SYBU: variants seen among roughly 807,000 people sequenced by gnomAD.
SYBU encodes syntabulin, also known as GOLSYN A protein.
In SYBU, 21 loss-of-function variants were observed where a neutral mutation model predicts 35.9. The ratio of observed to expected loss-of-function variants is 0.58; its 90% CI spans 0.41 to 0.84. The LOEUF is 0.84. SYBU is among the 40% of genes least tolerant of loss of function. The pLI, the probability that SYBU is intolerant of heterozygous loss-of-function variation, is 0.00. For synonymous variants in SYBU, 319 were observed against 324.3 expected (o/e 0.98, Z 0.18); for missense variants, 768 against 848.2 (o/e 0.91, Z 1.17).
Position 109,577,874 on chromosome 8 carries a change from T to C in SYBU, c.878A>G (p.His293Arg), listed in dbSNP as rs113307889. ...TKLKESERRL[H>R]ERESEIVELK... ...TCAAGGAAGGCAGATTCACCTTTCA[T>C]GGAGTCGGCGCTCAGATTCCTTCAG... The change falls in exon 6 of 7, where the codon CAT (histidine) becomes CGT (arginine). Residue 293 changes from histidine to arginine, a missense_variant. Physicochemically the swap from His to Arg is conservative, Grantham distance 29. Transcript: ENST00000276646. The C allele has an allele frequency of 6.2e-7, 1 of 1,612,612 alleles. No homozygotes were observed. Among genetic ancestry groups the C allele is most frequent in the Non-Finnish European group, 8.5e-7 (1 of 1,179,266 alleles).
At chr8:109,629,698 T>C (rs537920363) in intron 2 of SYBU, among the ~76,000 whole-genome samples, 409 of 152,140 alleles carry the variant, frequency 2.7e-3, no homozygotes, top group African/African-American at 9.5e-3. Flanking sequence ...TTTCTAGTTC[T>C]AGATCCCTGA....
At chr8:109,605,553 G>T (rs1825986970) in intron 3 of SYBU, among the ~76,000 whole-genome samples, 1 of 152,128 alleles carries the variant, frequency 6.6e-6, no homozygotes, top group Non-Finnish European at 1.5e-5. Context: ...AAGGAAAGAA[G>T]AGAATATGCC....
intron 2 of SYBU, among the ~76,000 whole-genome samples, chr8:109,632,602 G>A (rs1013743918): frequency 6.6e-6 from 1 of 151,686 alleles, no homozygotes. Flanking sequence ...TTTGAAAAAA[G>A]GAATTGTTTT....
At chr8:109,623,431 T>A (rs1360588358) in intron 2 of SYBU, among the ~76,000 whole-genome samples, 1 of 152,174 alleles carries the variant, frequency 6.6e-6, no homozygotes, top group Non-Finnish European at 1.5e-5. Flanking sequence ...TACTCACAGA[T>A]CCAGGAACCT....
At chr8:109,659,619 A>G (rs1435965400) in intron 1 of SYBU, among the ~76,000 whole-genome samples, 1 of 152,188 alleles carries the variant, frequency 6.6e-6, no homozygotes, top group Non-Finnish European at 1.5e-5. Context: ...CACCACATTC[A>G]TAAGAGCACT....
At chr8:109,636,781 A>G (rs1814275925) in intron 2 of SYBU, among the ~76,000 whole-genome samples, 1 of 152,216 alleles carries the variant, frequency 6.6e-6, no homozygotes, top group Non-Finnish European at 1.5e-5. Context: ...TAAAAAAGGA[A>G]ATTCTTTCTC....
chr8:109,613,975 A>G (rs1291337562), intron 3 of SYBU, among the ~76,000 whole-genome samples: 4 of 152,228 alleles, frequency 2.6e-5, no homozygotes, highest in Non-Finnish European at 5.9e-5. Context: ...ACAAGGGGAT[A>G]CTAACTTAGT....
chr8:109,593,886 T>C (rs1824568524), intron 3 of SYBU, among the ~76,000 whole-genome samples: 3 of 152,186 alleles, frequency 2.0e-5, no homozygotes. Context: ...TCCACCGTGG[T>C]CATAAATGTC....
At chr8:109,645,238 A>G (rs925458109), upstream of SYBU, 1 of 456,604 alleles carries the variant, frequency 2.2e-6, no homozygotes, top group African/African-American at 2.0e-5. Context: ...AAGTCAGCCT[A>G]CAGCTCCCCA....
chr8:109,638,365 CAGAAAAGGGGG>C (rs374610302), intron 2 of SYBU, among the ~76,000 whole-genome samples: 37 of 152,182 alleles, frequency 2.4e-4, no homozygotes, highest in African/African-American at 8.4e-4. Context: ...TCACTACTTA[CAGAAAAGGGGG>C]AGAAAAATGG....
intron 2 of SYBU, among the ~76,000 whole-genome samples, chr8:109,621,822 A>T (rs981619612): frequency 6.6e-6 from 1 of 152,198 alleles, no homozygotes; most frequent in Admixed American, 6.5e-5. Flanking sequence ...CTAACAAAGG[A>T]ATCTAGAAAG....
At chr8:109,658,553 T>C (rs1000781457) in intron 1 of SYBU, among the ~76,000 whole-genome samples, 1 of 152,192 alleles carries the variant, frequency 6.6e-6, no homozygotes, top group Non-Finnish European at 1.5e-5. Context: ...CCTGCTTGAG[T>C]AGGTCAGAAG....
intron 1 of SYBU, among the ~76,000 whole-genome samples, chr8:109,652,190 G>A (rs1003425991): frequency 6.6e-6 from 1 of 152,226 alleles, no homozygotes; most frequent in African/African-American, 2.4e-5. Context: ...GACACCCAGA[G>A]GGCTTGCCAG....
intron 6 of SYBU, 57 bp downstream of exon 6, chr8:109,577,811 C>A: frequency 6.7e-7 from 1 of 1,488,440 alleles, no homozygotes; most frequent in African/African-American, 1.4e-5. Context: ...GTTCATATTT[C>A]ATTTTATGGA....
At chr8:109,636,986 G>A (rs536114060) in intron 2 of SYBU, among the ~76,000 whole-genome samples, 8 of 152,232 alleles carry the variant, frequency 5.3e-5, no homozygotes, top group South Asian at 2.1e-4. Flanking sequence ...GCTGGCCACC[G>A]TTTCTACCAT....
intron 3 of SYBU, among the ~76,000 whole-genome samples, chr8:109,586,881 C>A (rs73702896): frequency 3.7e-4 from 57 of 152,242 alleles, no homozygotes; most frequent in African/African-American, 1.3e-3. Context: ...TGAGTACAGA[C>A]AACAGGTGGG....
At chr8:109,621,532 T>G (rs949842576) in intron 2 of SYBU, among the ~76,000 whole-genome samples, 1 of 152,150 alleles carries the variant, frequency 6.6e-6, no homozygotes, top group Non-Finnish European at 1.5e-5. Flanking sequence ...CTTCATATGG[T>G]GTGTGTTGGG....
At chr8:109,616,002 C>CTTTTTTTTT (rs1811725305) in intron 3 of SYBU, among the ~76,000 whole-genome samples, 1 of 99,288 alleles carries the variant, frequency 1.0e-5, no homozygotes, top group Non-Finnish European at 1.9e-5. Context: ...CTTTTCTTTT[C>CTTTTTTTTT]TTTCTTTTTT....
intron 4 of SYBU, 162 bp downstream of exon 4, chr8:109,585,898 A>G: frequency 3.3e-6 from 2 of 609,324 alleles, no homozygotes; most frequent in South Asian, 4.0e-5. Context: ...GCAAGACAGG[A>G]AAAACTACCA....
Sources: allele counts gnomAD v4.1 joint callset (sites outside exome capture counted in the v4.1 genomes callset), GRCh38; gene constraint gnomAD v4.1.1; transcripts MANE v1.5; gene names NCBI Gene and HGNC (gene_info 2026-07-23, HGNC 2026-07-21).